The following PALM2AKAP2 variants were observed in gnomAD, a reference collection of about 807,000 sequenced individuals.
PALM2AKAP2 encodes the protein PALM2-AKAP2 fusion protein.
PALM2AKAP2 carries 37 observed loss-of-function variants against 71.5 expected under a neutral mutation model. The observed-to-expected ratio is 0.52, with a 90% CI of 0.40 to 0.68. The LOEUF (loss-of-function observed/expected upper bound fraction) is 0.68. Among genes scored for constraint, PALM2AKAP2 ranks in the 30% least tolerant of loss-of-function variants. The probability of loss-of-function intolerance (pLI) is 0.00; values close to 1 mark genes in which losing one functional copy is unlikely to be tolerated. For missense variants in PALM2AKAP2, 1,224 were observed against 1,191.8 expected (o/e 1.03, Z -0.40); for synonymous variants, 468 against 478.8 (o/e 0.98, Z 0.29).
intron 1 of PALM2AKAP2, among the ~76,000 whole-genome samples, chr9:109,768,039 G>GGT (rs1564140550): frequency 8.4e-6 from 1 of 118,916 alleles, no homozygotes. Flanking sequence ...GAAAGAAAAA[G>GGT]AGGGAAGGAA....
chr9:109,840,729 A>G (rs1486305634), intron 1 of PALM2AKAP2, among the ~76,000 whole-genome samples: 1 of 152,256 alleles, frequency 6.6e-6, no homozygotes, highest in African/African-American at 2.4e-5. Flanking sequence ...ACACTTCTCA[A>G]AAGAAGACAT....
intron 6 of PALM2AKAP2, among the ~76,000 whole-genome samples, chr9:109,988,761 A>G (rs953064413): frequency 2.6e-5 from 4 of 152,168 alleles, no homozygotes; most frequent in Non-Finnish European, 4.4e-5. Flanking sequence ...GTGAAGGGAT[A>G]GTAATGTGGT....
At chr9:109,786,957 A>G (rs1407753275) in intron 1 of PALM2AKAP2, among the ~76,000 whole-genome samples, 1 of 152,194 alleles carries the variant, frequency 6.6e-6, no homozygotes, top group Non-Finnish European at 1.5e-5. Flanking sequence ...TGAACTCTCC[A>G]CATTTCACCA....
intron 7 of PALM2AKAP2, among the ~76,000 whole-genome samples, chr9:110,040,950 T>G (rs1833502714): frequency 6.6e-6 from 1 of 152,220 alleles, no homozygotes; most frequent in African/African-American, 2.4e-5. Context: ...GCTGTCTCTC[T>G]ATTACAGCAT....
At chr9:110,128,911 C>T (rs572616784) in intron 1 of PALM2AKAP2, among the ~76,000 whole-genome samples, 30 of 152,228 alleles carry the variant, frequency 2.0e-4, no homozygotes, top group Non-Finnish European at 3.7e-4. Context: ...GGTGTCTATG[C>T]CCAGTGGGGC....
chr9:110,002,304 G>A (rs1388341097), intron 6 of PALM2AKAP2, among the ~76,000 whole-genome samples: 1 of 152,046 alleles, frequency 6.6e-6, no homozygotes, highest in African/African-American at 2.4e-5. Context: ...CTGTTTATAT[G>A]CTGGATTATG....
intron 1 of PALM2AKAP2, among the ~76,000 whole-genome samples, chr9:109,858,697 AC>A (rs1829233874): frequency 6.6e-6 from 1 of 152,170 alleles, no homozygotes; most frequent in African/African-American, 2.4e-5. Flanking sequence ...AGAGTCCTCT[AC>A]CATTCTGCCT....
chr9:110,085,132 A>G (rs964927501), intron 1 of PALM2AKAP2, among the ~76,000 whole-genome samples: 7 of 151,920 alleles, frequency 4.6e-5, no homozygotes, highest in African/African-American at 1.7e-4. Flanking sequence ...AATTGTACTT[A>G]CTCTTGGGAG....
intron 3 of PALM2AKAP2, among the ~76,000 whole-genome samples, chr9:109,915,292 G>A (rs1055184707): frequency 1.3e-5 from 2 of 152,230 alleles, no homozygotes; most frequent in African/African-American, 4.8e-5. Flanking sequence ...AGTTCAAGAA[G>A]GTGTGAAATA....
intron 1 of PALM2AKAP2, among the ~76,000 whole-genome samples, chr9:109,783,931 A>G (rs749496357): frequency 1.9e-4 from 29 of 152,284 alleles, no homozygotes; most frequent in Admixed American, 3.3e-4. Flanking sequence ...TGAATTAAAT[A>G]CTTAGAAACT....
intron 1 of PALM2AKAP2, among the ~76,000 whole-genome samples, chr9:110,052,394 T>A (rs1833729663): frequency 6.6e-6 from 1 of 152,248 alleles, no homozygotes; most frequent in Non-Finnish European, 1.5e-5. Flanking sequence ...TCCATATACA[T>A]GTATATCTTA....
At chr9:109,967,559 G>A (rs561575060) in intron 6 of PALM2AKAP2, among the ~76,000 whole-genome samples, 6 of 152,174 alleles carry the variant, frequency 3.9e-5, no homozygotes, top group South Asian at 2.1e-4. Context: ...ACAGGCAGGC[G>A]CCACCACACC....
intron 3 of PALM2AKAP2, among the ~76,000 whole-genome samples, chr9:109,922,011 C>A (rs1043691653): frequency 6.6e-6 from 1 of 152,106 alleles, no homozygotes; most frequent in African/African-American, 2.4e-5. Context: ...CACAGTATGT[C>A]GCTAAATAAA....
intron 3 of PALM2AKAP2, chr9:110,162,107 T>C (rs780551853): frequency 6.2e-7 from 1 of 1,614,088 alleles, no homozygotes; most frequent in Admixed American, 1.7e-5. Flanking sequence ...ACTTCTAAGT[T>C]ACTGTCTTGC....
chr9:109,999,745 T>G (rs936702698), intron 6 of PALM2AKAP2, among the ~76,000 whole-genome samples: 2 of 152,244 alleles, frequency 1.3e-5, no homozygotes, highest in Admixed American at 6.5e-5. Flanking sequence ...TCTCCCTGCC[T>G]AGGCCCTAAT....
rs117642439 is a variant in PALM2AKAP2 at position 110,059,238 on chromosome 9, G to A, written c.156+10383G>A. Among the ~76,000 whole-genome samples, 1,346 of 152,304 alleles carry A rather than the reference G, an allele frequency of 8.8e-3. 15 individuals carry two copies. Among genetic ancestry groups the A allele is most frequent in the Non-Finnish European group, 0.01 (713 of 68,030 alleles). On this transcript the variant is annotated intron_variant, in intron 1 of 3. Coordinates refer to ENST00000374525, the Ensembl canonical transcript of PALM2AKAP2. ...TTGAAGTGAAATTATATCCAATAAA[G>A]AGCTCCTGTCATTCATCCAGTTGTG...
intron 1 of PALM2AKAP2, among the ~76,000 whole-genome samples, chr9:110,116,803 C>T (rs574928690): frequency 2.0e-5 from 3 of 152,194 alleles, no homozygotes; most frequent in Admixed American, 6.5e-5. Context: ...AGTGAGAGTA[C>T]TCCTAAACAG....
intron 1 of PALM2AKAP2, among the ~76,000 whole-genome samples, chr9:109,676,606 T>A (rs1564109580): frequency 6.6e-6 from 1 of 152,092 alleles, no homozygotes. Flanking sequence ...TTGGAAAACA[T>A]GTCATAGTTG....
chr9:110,068,715 TAGAG>T (rs571883748), intron 1 of PALM2AKAP2, among the ~76,000 whole-genome samples: 1 of 152,038 alleles, frequency 6.6e-6, no homozygotes, highest in Admixed American at 6.6e-5. Flanking sequence ...AATTATTTTG[TAGAG>T]AGAGAGTCTT....
Sources: allele counts gnomAD v4.1 joint callset (sites outside exome capture counted in the v4.1 genomes callset), GRCh38; gene constraint gnomAD v4.1.1; transcripts MANE v1.5; gene names NCBI Gene and HGNC (gene_info 2026-07-23, HGNC 2026-07-21).